MEGF11: variants seen among roughly 807,000 people sequenced by gnomAD.
The protein encoded by MEGF11 is multiple epidermal growth factor-like domains protein 11.
MEGF11 carries 126 observed loss-of-function variants against 146.6 expected under a neutral mutation model. That is an observed-to-expected ratio of 0.86 (90% confidence interval 0.74 to 1.00). The LOEUF (loss-of-function observed/expected upper bound fraction) is 1.00. MEGF11 is among the 50% of genes least tolerant of loss of function. The pLI is 0.00. For synonymous variants in MEGF11, 532 were observed against 583.4 expected, an observed-to-expected ratio of 0.91 and a Z score of 1.27; for missense variants, 1,509 against 1,521.2, an observed-to-expected ratio of 0.99 and a Z score of 0.13.
intron 10 of MEGF11, among the ~76,000 whole-genome samples, chr15:65,937,057 C>T (rs1355673815): frequency 6.6e-6 from 1 of 152,200 alleles, no homozygotes; most frequent in African/African-American, 2.4e-5. Context: ...GAGACAAGAC[C>T]TTCTGAGCTG....
At position 65,984,525 on chromosome 15, in the gene MEGF11, CAAAAA is replaced by C. The variant is rs35017296; in HGVS notation, c.395-2042_395-2038del. 8.3e-4 allele frequency among the ~76,000 whole-genome samples: 41 copies of C among 49,518 alleles called. 1 individual carries two copies. The highest frequency in any genetic ancestry group is 2.7e-3 in the African/African-American group (31 of 11,372). 32.5% of individuals were successfully genotyped at this position (49,518 alleles called of 152,430 possible). A position where few individuals can be genotyped will look rare whatever the true frequency, so the allele number is the denominator to read the frequency against. On this transcript the variant is annotated intron_variant, in intron 5 of 25. Transcript: ENST00000395614. Reference sequence around the variant, plus strand: ...TGGGCGATAGAGCAAGACTCCGTGTCAAAAAAAAAAAAAAAAAAAAAAAAAGGCTC... The same window carrying C: ...TGGGCGATAGAGCAAGACTCCGTGTCAAAAAAAAAAAAAAAAAAAAGGCTC...
At chr15:66,140,823 G>C (rs1027454529) in intron 1 of MEGF11, among the ~76,000 whole-genome samples, 2 of 152,214 alleles carry the variant, frequency 1.3e-5, no homozygotes, top group African/African-American at 4.8e-5. Flanking sequence ...CAGCTGGCAG[G>C]AAGCGGGCCT....
chr15:65,965,447 C>T (rs1054471453), intron 8 of MEGF11: 2 of 271,454 alleles, frequency 7.4e-6, no homozygotes, highest in East Asian at 1.3e-4. Context: ...ATGTTTCTCT[C>T]AAAATTCTCA....
intron 19 of MEGF11, chr15:65,914,211 ATAT>A (rs1286126803): frequency 3.5e-6 from 2 of 566,076 alleles, no homozygotes; most frequent in Non-Finnish European, 6.3e-6. Flanking sequence ...GAAACAATAA[ATAT>A]TATTTTACTC....
chr15:66,237,698 G>A (rs536896066), intron 1 of MEGF11, among the ~76,000 whole-genome samples: 77 of 152,300 alleles, frequency 5.1e-4, no homozygotes, highest in African/African-American at 1.6e-3. Context: ...GCTATCTCCC[G>A]CCGGGCTCAA....
At position 65,922,829 on chromosome 15, in the gene MEGF11, G is replaced by C. The variant is rs2079222046; in HGVS notation, c.1816C>G (p.Gln606Glu). ...CAPGFRGPLC[Q>E]RICPPGFYGH... ...GTCAGGGGATTAGCCTTACTTCTCTGGCATAAGGGTCCTCGGAAGCCAGGG... is the reference window on the plus strand; with the variant it reads ...GTCAGGGGATTAGCCTTACTTCTCTCGCATAAGGGTCCTCGGAAGCCAGGG... Residue 606 changes from glutamine to glutamate, a missense_variant, in exon 14 of 26, where the codon CAG (glutamine) becomes GAG (glutamate). By Grantham distance (29) the Gln-to-Glu change is conservative. Transcript: ENST00000395614. 6.2e-7 allele frequency: 1 copy of C among 1,613,850 alleles called. No individual in the cohort carries two copies. Among genetic ancestry groups the C allele is most frequent in the Non-Finnish European group, 8.5e-7 (1 of 1,179,840 alleles).
intron 5 of MEGF11, among the ~76,000 whole-genome samples, chr15:66,064,754 C>G (rs1265957035): frequency 6.6e-6 from 1 of 151,892 alleles, no homozygotes; most frequent in East Asian, 1.9e-4. Flanking sequence ...GTCTTGACCT[C>G]CCAACCTCAG....
At chr15:65,927,679 A>G (rs1480095532) in intron 13 of MEGF11, among the ~76,000 whole-genome samples, 1 of 152,216 alleles carries the variant, frequency 6.6e-6, no homozygotes, top group African/African-American at 2.4e-5. Flanking sequence ...TGATCCAGGC[A>G]GAGGGAATGG....
At chr15:65,916,580 TG>T (rs1266827291) in intron 17 of MEGF11, 1 of 715,946 alleles carries the variant, frequency 1.4e-6, no homozygotes, top group East Asian at 2.7e-5. Context: ...GGTCTGGTCT[TG>T]GTGATTGCTG....
At chr15:66,227,995 T>C (rs550815948) in intron 1 of MEGF11, among the ~76,000 whole-genome samples, 1 of 152,242 alleles carries the variant, frequency 6.6e-6, no homozygotes, top group South Asian at 2.1e-4. Flanking sequence ...CAAGAGCTAG[T>C]CCAGGTTCCT....
chr15:66,124,109 T>G, intron 2 of MEGF11, 109 bp from the exon 3 acceptor site: 1 of 854,242 alleles, frequency 1.2e-6, no homozygotes, highest in Non-Finnish European at 1.9e-6. Context: ...CACAGCCAAG[T>G]GTCCGGAGGC....
intron 10 of MEGF11, among the ~76,000 whole-genome samples, chr15:65,932,738 C>T (rs2079623159): frequency 6.6e-6 from 1 of 152,072 alleles, no homozygotes; most frequent in Non-Finnish European, 1.5e-5. Flanking sequence ...TAGGAACCTA[C>T]TGTGGGGCTG....
chr15:66,166,610 G>T (rs944093733), intron 1 of MEGF11, among the ~76,000 whole-genome samples: 5 of 152,014 alleles, frequency 3.3e-5, no homozygotes, highest in Non-Finnish European at 2.9e-5. Flanking sequence ...GCATCTCCTT[G>T]TTCCCTTTGC....
At chr15:66,043,454 C>T (rs924777788) in intron 5 of MEGF11, among the ~76,000 whole-genome samples, 1 of 152,266 alleles carries the variant, frequency 6.6e-6, no homozygotes, top group Non-Finnish European at 1.5e-5. Context: ...CACGATAATA[C>T]CACACTGCGT....
chr15:66,067,976 C>T (rs1050621197), intron 5 of MEGF11, among the ~76,000 whole-genome samples: 5 of 152,212 alleles, frequency 3.3e-5, no homozygotes, highest in Admixed American at 6.5e-5. Flanking sequence ...CACTTACTAG[C>T]TGTGTGGCCT....
At chr15:65,971,797 T>C (rs1039935075) in intron 7 of MEGF11, among the ~76,000 whole-genome samples, 3 of 151,910 alleles carry the variant, frequency 2.0e-5, no homozygotes, top group African/African-American at 4.8e-5. Context: ...ATATTTGAAA[T>C]AGGCCCTCAC....
At chr15:66,201,279 C>T (rs539804332) in intron 1 of MEGF11, among the ~76,000 whole-genome samples, 1 of 152,280 alleles carries the variant, frequency 6.6e-6, no homozygotes, top group South Asian at 2.1e-4. Flanking sequence ...GAGCACAGCC[C>T]CTCCTCCACT....
chr15:65,986,867 G>A (rs138238672), intron 5 of MEGF11, among the ~76,000 whole-genome samples: 92 of 143,604 alleles, frequency 6.4e-4, no homozygotes, highest in African/African-American at 2.3e-3. Context: ...GTGCAAACTC[G>A]GCTCACTGCA....
Position 66,208,256 on chromosome 15 carries a change from C to T in MEGF11, c.-9+45349G>A, listed in dbSNP as rs58731640. The stretch of plus-strand genomic sequence containing the variant: ...TATAAAGAGAGATAAAGTTTCTATA[C>T]TTCATTCAAATTGGTAAAATGACAA... On this transcript the variant is annotated intron_variant, in intron 1 of 25. Transcript: ENST00000395614. 2.5e-3 allele frequency among the ~76,000 whole-genome samples: 375 copies of T among 152,228 alleles called. 3 individuals are homozygous for T. Among genetic ancestry groups the T allele is most frequent in the African/African-American group, 8.5e-3 (352 of 41,548 alleles).
Sources: gnomAD v4.1 joint callset for allele counts (sites outside exome capture counted in the v4.1 genomes callset) on GRCh38, gnomAD v4.1.1 for gene constraint, MANE v1.5 for transcripts, NCBI Gene and HGNC (gene_info 2026-07-23, HGNC 2026-07-21) for gene names.